The following CRADD variants were observed in gnomAD, a reference collection of about 807,000 sequenced individuals.
CRADD encodes the protein CARD and death domain containing adaptor protein, also known as death domain-containing protein CRADD.
In CRADD, 9 loss-of-function variants were observed where a neutral mutation model predicts 15.5. That is an observed-to-expected ratio of 0.58 (90% CI 0.35 to 1.01). The LOEUF (loss-of-function observed/expected upper bound fraction) is 1.01, where lower values mean the gene tolerates loss of function less well. Ranked by LOEUF, CRADD falls within the 50% of genes least tolerant of loss-of-function variation. The pLI, the probability that CRADD is intolerant of heterozygous loss-of-function variation, is 0.02. For missense variants in CRADD, 227 were observed against 250.3 expected (o/e 0.91, Z 0.63); for synonymous variants, 118 against 107.6 (o/e 1.10, Z -0.60).
intron 2 of CRADD, among the ~76,000 whole-genome samples, chr12:93,863,594 A>ATT (rs566617575): frequency 1.4e-5 from 1 of 69,962 alleles, no homozygotes; most frequent in Non-Finnish European, 3.0e-5. Context: ...GTGTGGAGGC[A>ATT]TTTGTGTGTG....
chr12:93,766,171 A>T (rs985239767), intron 2 of CRADD, among the ~76,000 whole-genome samples: 2 of 152,172 alleles, frequency 1.3e-5, no homozygotes, highest in African/African-American at 4.8e-5. Context: ...ATCCTCTGAC[A>T]GCTTACACCA....
intron 2 of CRADD, among the ~76,000 whole-genome samples, chr12:93,766,251 A>G (rs1167653878): frequency 1.3e-5 from 2 of 152,214 alleles, no homozygotes; most frequent in Non-Finnish European, 2.9e-5. Flanking sequence ...GAATCTTAAG[A>G]TTCTGGGATT....
At chr12:93,769,902 T>C (rs543685609) in intron 2 of CRADD, among the ~76,000 whole-genome samples, 1 of 152,294 alleles carries the variant, frequency 6.6e-6, no homozygotes, top group Admixed American at 6.5e-5. Flanking sequence ...GTTCCTTTGT[T>C]GGTTATATGT....
At chr12:93,862,368 A>G (rs1005144899) in intron 2 of CRADD, among the ~76,000 whole-genome samples, 1 of 152,226 alleles carries the variant, frequency 6.6e-6, no homozygotes, top group Non-Finnish European at 1.5e-5. Context: ...GCGACATGAC[A>G]CCACCTTGTA....
intron 2 of CRADD, among the ~76,000 whole-genome samples, chr12:93,751,115 CT>C (rs1358018951): frequency 6.6e-6 from 1 of 152,136 alleles, no homozygotes; most frequent in Non-Finnish European, 1.5e-5. Context: ...AATCTTGCTT[CT>C]TTTGCTTAAA....
chr12:93,894,245 G>T, exon 3 of CRADD: 7 of 559,212 alleles, frequency 1.3e-5, no homozygotes, highest in East Asian at 3.7e-5. Context: ...GTTTTTGGTT[G>T]TCACAATTCT....
At chr12:93,722,908 G>A (rs996405088) in intron 2 of CRADD, among the ~76,000 whole-genome samples, 5 of 152,126 alleles carry the variant, frequency 3.3e-5, no homozygotes, top group African/African-American at 9.7e-5. Flanking sequence ...TGAATATGGG[G>A]TAAAGGGATC....
At chr12:93,851,601 T>A (rs1048753234), downstream of CRADD, among the ~76,000 whole-genome samples, 11 of 152,204 alleles carry the variant, frequency 7.2e-5, no homozygotes, top group African/African-American at 2.4e-4. Context: ...GCTGAAGGTA[T>A]GGTTAGACCA....
At chr12:93,724,788 G>T (rs1956324428) in intron 2 of CRADD, among the ~76,000 whole-genome samples, 1 of 151,978 alleles carries the variant, frequency 6.6e-6, no homozygotes, top group Non-Finnish European at 1.5e-5. Context: ...GTTTTATTTT[G>T]CTACAAAGGA....
chr12:93,845,574 A>ATTTT (rs1159588348), intron 2 of CRADD, among the ~76,000 whole-genome samples: 2 of 64,334 alleles, frequency 3.1e-5, no homozygotes, highest in African/African-American at 1.3e-4. Flanking sequence ...ATATATATAT[A>ATTTT]TATATTTTTA....
At chr12:93,825,401 T>C (rs1256420043) in intron 2 of CRADD, among the ~76,000 whole-genome samples, 1 of 152,212 alleles carries the variant, frequency 6.6e-6, no homozygotes, top group East Asian at 1.9e-4. Flanking sequence ...TAGTGACCCC[T>C]TGGGAGAAGA....
chr12:93,881,268 A>T (rs1958498143), intron 2 of CRADD, among the ~76,000 whole-genome samples: 1 of 152,186 alleles, frequency 6.6e-6, no homozygotes, highest in African/African-American at 2.4e-5. Context: ...GGAAGAAGTT[A>T]AAAAAGGTTC....
intron 2 of CRADD, among the ~76,000 whole-genome samples, chr12:93,861,491 A>G (rs1016724123): frequency 1.3e-5 from 2 of 152,220 alleles, no homozygotes; most frequent in Non-Finnish European, 2.9e-5. Flanking sequence ...GCCCTCTTCA[A>G]GTATTGCCTC....
At chr12:93,704,587 A>G (rs1955904698) in intron 2 of CRADD, among the ~76,000 whole-genome samples, 1 of 152,146 alleles carries the variant, frequency 6.6e-6, no homozygotes, top group African/African-American at 2.4e-5. Context: ...CTCCACATGT[A>G]CTTTCCCGTA....
At chr12:93,798,298 C>CCTAG (rs1280152297) in intron 2 of CRADD, among the ~76,000 whole-genome samples, 1 of 151,882 alleles carries the variant, frequency 6.6e-6, no homozygotes, top group Admixed American at 6.6e-5. Flanking sequence ...GGGACACTGC[C>CCTAG]CTAGATATAG....
chr12:93,744,582 G>A (rs1314374781), intron 2 of CRADD, among the ~76,000 whole-genome samples: 1 of 152,126 alleles, frequency 6.6e-6, no homozygotes, highest in Non-Finnish European at 1.5e-5. Flanking sequence ...CTGGGTAATG[G>A]GACTTCTCGG....
intron 2 of CRADD, among the ~76,000 whole-genome samples, chr12:93,731,764 A>G (rs193267953): frequency 7.3e-4 from 111 of 152,380 alleles, no homozygotes; most frequent in Non-Finnish European, 8.8e-5. Flanking sequence ...GGTTTAGAAA[A>G]GAATTATTTC....
chr12:93,785,717 G>C (rs1173596088), intron 2 of CRADD, among the ~76,000 whole-genome samples: 1 of 152,178 alleles, frequency 6.6e-6, no homozygotes, highest in South Asian at 2.1e-4. Flanking sequence ...TGGAAGAATG[G>C]TGTTACCCTA....
At chr12:93,686,127 C>T (rs1483345682) in intron 2 of CRADD, among the ~76,000 whole-genome samples, 1 of 151,436 alleles carries the variant, frequency 6.6e-6, no homozygotes, top group Non-Finnish European at 1.5e-5. Context: ...TGGTGAAACC[C>T]CATTTTTACT....
Sources: allele counts gnomAD v4.1 joint callset (sites outside exome capture counted in the v4.1 genomes callset), GRCh38; gene constraint gnomAD v4.1.1; transcripts MANE v1.5; gene names NCBI Gene and HGNC (gene_info 2026-07-23, HGNC 2026-07-21).